Variants in CCNI observed in about 807,000 individuals in gnomAD.
CCNI encodes cyclin I, also known as cyclin-I.
CCNI carries 14 observed loss-of-function variants against 34.1 expected under a neutral mutation model. The ratio of observed to expected loss-of-function variants is 0.41; its 90% confidence interval spans 0.27 to 0.64. CCNI has a LOEUF of 0.64. CCNI is among the 30% of genes least tolerant of loss of function. The probability of loss-of-function intolerance (pLI) is 0.31; values close to 1 mark genes in which losing one functional copy is unlikely to be tolerated. For missense variants in CCNI, 385 were observed against 440.5 expected, an observed-to-expected ratio of 0.87 and a Z score of 1.13; for synonymous variants, 154 against 158.4, an observed-to-expected ratio of 0.97 and a Z score of 0.21.
chr4:77,053,066 C>A (rs2110011090), intron 6 of CCNI, among the ~76,000 whole-genome samples: 1 of 152,332 alleles, frequency 6.6e-6, no homozygotes, highest in Non-Finnish European at 1.5e-5. Flanking sequence ...TCTAAACCTA[C>A]ACTACATAGG....
intron 2 of CCNI, among the ~76,000 whole-genome samples, chr4:77,062,988 A>C (rs1192507778): frequency 6.6e-6 from 1 of 152,224 alleles, no homozygotes; most frequent in African/African-American, 2.4e-5. Flanking sequence ...TATGCAAGTA[A>C]ACAAAAATGA....
At position 77,056,030 on chromosome 4, in the gene CCNI, C is replaced by T; in HGVS notation, c.391G>A (p.Glu131Lys). The T allele has an allele frequency of 6.2e-7, 1 of 1,613,326 alleles. No homozygotes were observed. The highest frequency in any genetic ancestry group is 8.5e-7 in the Non-Finnish European group (1 of 1,179,352). Residue 131 changes from glutamate to lysine, a missense_variant, in exon 5 of 7, where the codon GAG (glutamate) becomes AAG (lysine). Glu to Lys is a moderately conservative substitution (Grantham distance 56). This residue lies in a region of CCNI where 135 missense variants were observed against 191.8 expected (regional missense o/e 0.70). Coordinates refer to ENST00000237654, the MANE Select transcript of CCNI (RefSeq NM_006835.3). Reference sequence around the variant, plus strand: ...TTCAACTTATCCAGAATAATTCTCTCCATTCTCAAAATTTCAGATGAGGAA... The same window carrying T: ...TTCAACTTATCCAGAATAATTCTCTTCATTCTCAAAATTTCAGATGAGGAA... ...GCSSSEILRM[E>K]RIILDKLNWD...
chr4:77,075,407 G>A, intron 1 of CCNI, 65 bp downstream of exon 1: 1 of 668,386 alleles, frequency 1.5e-6, no homozygotes, highest in Non-Finnish European at 1.8e-6. Flanking sequence ...GAGCAGCGGG[G>A]CCCCAGCGCG....
At chr4:77,062,354 C>T (rs1392867679) in intron 2 of CCNI, among the ~76,000 whole-genome samples, 1 of 152,128 alleles carries the variant, frequency 6.6e-6, no homozygotes, top group African/African-American at 2.4e-5. Context: ...ACTGCTTGAG[C>T]CCAGGAGTTT....
chr4:77,061,362 G>C (rs1728594025), intron 2 of CCNI, among the ~76,000 whole-genome samples: 1 of 152,128 alleles, frequency 6.6e-6, no homozygotes. Context: ...GCCCAAAACA[G>C]TATTTCCTGA....
chr4:77,075,412 A>G (rs1373983976), intron 1 of CCNI, 60 bp downstream of exon 1: 1 of 704,712 alleles, frequency 1.4e-6, no homozygotes, highest in Non-Finnish European at 1.7e-6. Context: ...GCGGGGCCCC[A>G]GCGCGTCGAC....
intron 2 of CCNI, among the ~76,000 whole-genome samples, chr4:77,062,116 C>T (rs1578245218): frequency 8.7e-6 from 1 of 115,484 alleles, no homozygotes; most frequent in Non-Finnish European, 1.7e-5. Context: ...CTGACTGGAA[C>T]GCACTCCCTT....
At chr4:77,060,045 C>G (rs13109852) in intron 2 of CCNI, among the ~76,000 whole-genome samples, 8 of 151,478 alleles carry the variant, frequency 5.3e-5, no homozygotes, top group Non-Finnish European at 1.0e-4. Flanking sequence ...GCTATGAAAA[C>G]AAGAACACCA....
At chr4:77,066,547 A>G (rs1446055220) in intron 1 of CCNI, 142 bp from the exon 2 acceptor site, 9 of 567,112 alleles carry the variant, frequency 1.6e-5, no homozygotes. Context: ...ATCGTATTAA[A>G]ATACCAAAAT....
chr4:77,072,186 G>A (rs1215096419), intron 1 of CCNI, among the ~76,000 whole-genome samples: 1 of 151,998 alleles, frequency 6.6e-6, no homozygotes, highest in African/African-American at 2.4e-5. Context: ...TTTGTTCCAG[G>A]AATGCAAGCT....
At position 77,049,591 on chromosome 4, in the gene CCNI, T is replaced by C. The variant is rs533279910; in HGVS notation, c.691-929A>G. Among the ~76,000 whole-genome samples, 28 of 151,464 alleles carry C rather than the reference T, an allele frequency of 1.8e-4. No individual in the cohort carries two copies. In the East Asian group the frequency reaches 5.1e-3, roughly 27 times the overall value. ...TACTCAGGAGGCTGAGGCATGAGAA[T>C]AGCTTGAGCCCAGGAGGTGGAGGTT... On this transcript the variant is annotated intron_variant, in intron 6 of 6. Coordinates refer to ENST00000237654, the MANE Select transcript of CCNI (RefSeq NM_006835.3).
At chr4:77,057,173 TCTA>T (rs72509609) in intron 3 of CCNI, among the ~76,000 whole-genome samples, 34,704 of 152,018 alleles carry the variant, frequency 0.23, 4,901 homozygotes, top group East Asian at 0.37. Context: ...TCCCTCCCTC[TCTA>T]CTACATCTAA....
At chr4:77,051,176 C>G (rs1330710446) in intron 6 of CCNI, among the ~76,000 whole-genome samples, 2 of 152,086 alleles carry the variant, frequency 1.3e-5, no homozygotes, top group African/African-American at 4.8e-5. Flanking sequence ...AAATTTCTTC[C>G]TGAATATTTT....
chr4:77,064,714 C>T (rs1250191452), intron 2 of CCNI: 1 of 151,028 alleles, frequency 6.6e-6, no homozygotes, highest in African/African-American at 2.5e-5. Flanking sequence ...CTCACTTACC[C>T]TGTCGTTCAG....
intron 6 of CCNI, among the ~76,000 whole-genome samples, chr4:77,052,610 C>T (rs947791109): frequency 2.0e-5 from 3 of 152,040 alleles, no homozygotes; most frequent in East Asian, 1.9e-4. Context: ...CCTCACAGCA[C>T]GGTATGTCTG....
In CCNI at chr4:77,071,127, G is replaced by A. The variant is rs544268677; in HGVS notation, c.-44+4345C>T. On this transcript the variant is annotated intron_variant, in intron 1 of 6. Transcript: ENST00000237654. Reference sequence around the variant, plus strand: ...AGGGGGTTTAGATGGTACAGAAAGAGACACATAAAGTAGAATCATGTAAAA... The same window carrying A: ...AGGGGGTTTAGATGGTACAGAAAGAAACACATAAAGTAGAATCATGTAAAA... 3.3e-5 allele frequency among the ~76,000 whole-genome samples: 5 copies of A among 152,180 alleles called. No homozygotes were observed. In the East Asian group the frequency reaches 9.6e-4, roughly 29 times the overall value.
intron 2 of CCNI, chr4:77,064,678 T>C (rs12650027): frequency 0.16 from 23,885 of 147,650 alleles, 2,449 homozygotes; most frequent in East Asian, 0.28. Flanking sequence ...TAATTTTTTT[T>C]CTTTTTTTTT....
At chr4:77,063,200 A>G (rs1728739098) in intron 2 of CCNI, among the ~76,000 whole-genome samples, 1 of 152,154 alleles carries the variant, frequency 6.6e-6, no homozygotes, top group Admixed American at 6.6e-5. Flanking sequence ...GACTGACTTC[A>G]AAATATAGTT....
At position 77,055,173 on chromosome 4, in the gene CCNI, T is replaced by G. The variant is rs768221394; in HGVS notation, c.667A>C (p.Ile223Leu). Residue 223 changes from isoleucine (I) to leucine (L), a missense_variant, in exon 6 of 7, where the codon ATT (isoleucine) becomes CTT (leucine). Physicochemically the swap from Ile to Leu is conservative, Grantham distance 5 (BLOSUM62 2). Coordinates refer to ENST00000237654, the MANE Select transcript of CCNI (RefSeq NM_006835.3). ...ACCTGTGCTTTCTGAAGCAGTTCAA[T>G]TGTAAGAGAAAGCCAATCAGGAATG... ...KLIPDWLSLT[I>L]ELLQKAQMDS... 2.5e-6 allele frequency: 4 copies of G among 1,612,896 alleles called. No individual in the cohort carries two copies. The South Asian group carries it at 3.3e-5, about 13-fold the overall frequency.
Sources: gnomAD v4.1 joint callset for allele counts (sites outside exome capture counted in the v4.1 genomes callset) on GRCh38, gnomAD v4.1.1 for gene constraint, gnomAD v4.1.1 regional missense constraint, MANE v1.5 for transcripts, NCBI Gene and HGNC (gene_info 2026-07-23, HGNC 2026-07-21) for gene names.